The following AKAP13 variants were observed in gnomAD, a reference collection of about 807,000 sequenced individuals.
AKAP13 encodes A-kinase anchor protein 13.
AKAP13 carries 80 observed loss-of-function variants against 264.5 expected under a neutral mutation model. The ratio of observed to expected loss-of-function variants is 0.30; its 90% confidence interval spans 0.25 to 0.36. The LOEUF (loss-of-function observed/expected upper bound fraction) is 0.36. AKAP13 is among the 10% of genes least tolerant of loss of function. The pLI, the probability that AKAP13 is intolerant of heterozygous loss-of-function variation, is 1.00. For synonymous variants in AKAP13, 1,380 were observed against 1,250.2 expected (o/e 1.10, Z -2.19); for missense variants, 3,712 against 3,435.2 (o/e 1.08, Z -2.01).
At position 85,382,690 on chromosome 15, in the gene AKAP13, A is replaced by G. The variant is rs149178861; in HGVS notation, c.-12+1892A>G. ...TTTGCCTTGACTAAATGGTAACTGCACACATACTATACTATAAATGGACTC... is the reference window on the plus strand; with the variant it reads ...TTTGCCTTGACTAAATGGTAACTGCGCACATACTATACTATAAATGGACTC... On this transcript the variant is annotated intron_variant, in intron 1 of 36. Transcript: ENST00000394518. Among the ~76,000 whole-genome samples the G allele has an allele frequency of 5.4e-3, 815 of 152,320 alleles. 28 individuals are homozygous for G. Among genetic ancestry groups the G allele is most frequent in the Admixed American group, 0.048 (741 of 15,302 alleles).
chr15:85,382,554 C>T (rs1280317604), intron 1 of AKAP13, among the ~76,000 whole-genome samples: 1 of 152,200 alleles, frequency 6.6e-6, no homozygotes, highest in African/African-American at 2.4e-5. Context: ...ATAATGTAAG[C>T]AAGTACTACT....
intron 8 of AKAP13, among the ~76,000 whole-genome samples, chr15:85,635,574 A>AT (rs770902673): frequency 2.0e-4 from 31 of 152,144 alleles, no homozygotes; most frequent in Non-Finnish European, 3.4e-4. Flanking sequence ...GTTGACATAG[A>AT]TTTATCCTTT....
At chr15:85,468,493 G>A (rs1488200512) in intron 1 of AKAP13, among the ~76,000 whole-genome samples, 3 of 152,104 alleles carry the variant, frequency 2.0e-5, no homozygotes, top group African/African-American at 7.2e-5. Flanking sequence ...GGAAGAATAG[G>A]CATATTAGCA....
chr15:85,551,394 G>A (rs1329972827), intron 5 of AKAP13, among the ~76,000 whole-genome samples: 2 of 152,168 alleles, frequency 1.3e-5, no homozygotes, highest in African/African-American at 4.8e-5. Context: ...GCCCTTTGAA[G>A]GTGGGCGTTT....
intron 26 of AKAP13, 35 bp from the exon 27 acceptor site, chr15:85,726,375 G>A (rs750321551): frequency 4.4e-6 from 7 of 1,577,358 alleles, no homozygotes; most frequent in African/African-American, 2.7e-5. Flanking sequence ...AGTAGTCATC[G>A]TTTTATCTTC....
chr15:85,615,433 A>T (rs888746821), intron 8 of AKAP13, among the ~76,000 whole-genome samples: 26 of 90,478 alleles, frequency 2.9e-4, no homozygotes, highest in African/African-American at 4.1e-4. Flanking sequence ...ATTGGAGACG[A>T]TCCTTTGCAG....
chr15:85,520,267 G>A (rs68045709), intron 2 of AKAP13, among the ~76,000 whole-genome samples: 18,453 of 151,882 alleles, frequency 0.12, 1,562 homozygotes, highest in South Asian at 0.34. Flanking sequence ...AGGCTGAGAC[G>A]GGTGGATCAT....
intron 10 of AKAP13, among the ~76,000 whole-genome samples, chr15:85,646,669 C>T (rs1377584006): frequency 6.6e-6 from 1 of 152,104 alleles, no homozygotes; most frequent in African/African-American, 2.4e-5. Context: ...TGTGTTTAGG[C>T]CTGAAGCTTC....
At position 85,645,798 on chromosome 15, in the gene AKAP13, GA is replaced by G. The variant is rs756914065; in HGVS notation, c.4238-18del. ...TTGTTTTTTTTTTTTCAATATTGGTGAATAAATTCTCTTTTTCAGAATGTGA... is the reference window on the plus strand; with the variant it reads ...TTGTTTTTTTTTTTTCAATATTGGTGATAAATTCTCTTTTTCAGAATGTGA... On this transcript the variant is annotated intron_variant, in intron 9 of 36. Coordinates refer to ENST00000394518, the MANE Select transcript of AKAP13 (RefSeq NM_007200.5). 4 of 1,472,742 alleles carry G rather than the reference GA, an allele frequency of 2.7e-6. No individual in the cohort carries two copies. Among genetic ancestry groups the G allele is most frequent in the Non-Finnish European group, 3.7e-6 (4 of 1,087,614 alleles). 91.2% of individuals were successfully genotyped at this position (1,472,742 alleles called of 1,614,324 possible). A position where few individuals can be genotyped will look rare whatever the true frequency, so the allele number is the denominator to read the frequency against.
In AKAP13 at chr15:85,730,703, T is replaced by A; in HGVS notation, c.7278T>A (p.Asn2426Lys). 1 of 1,612,358 alleles carries A rather than the reference T, an allele frequency of 6.2e-7. No individual in the cohort carries two copies. Among genetic ancestry groups the A allele is most frequent in the Non-Finnish European group, 8.5e-7 (1 of 1,178,704 alleles). The change falls in exon 30 of 37, where the codon AAT becomes AAA. Residue 2426 changes from asparagine (N) to lysine (K), a missense_variant. Asn to Lys is a moderately conservative substitution (Grantham distance 94, BLOSUM62 0). Coordinates refer to ENST00000394518, the MANE Select transcript of AKAP13 (RefSeq NM_007200.5). ...KGGPLMKSAI[N>K]EVEILQGLVS... ...GACCTTTAATGAAAAGTGCAATAAATGAGGGTAATTAACATTCAGCATTGC... is the reference window on the plus strand; with the variant it reads ...GACCTTTAATGAAAAGTGCAATAAAAGAGGGTAATTAACATTCAGCATTGC...
chr15:85,423,857 A>C (rs1261844064), intron 1 of AKAP13, among the ~76,000 whole-genome samples: 1 of 152,228 alleles, frequency 6.6e-6, no homozygotes, highest in African/African-American at 2.4e-5. Flanking sequence ...GAAGAAAGCA[A>C]GTGTGTTAGC....
At chr15:85,439,895 C>A (rs2073550329) in intron 1 of AKAP13, among the ~76,000 whole-genome samples, 1 of 150,138 alleles carries the variant, frequency 6.7e-6, no homozygotes, top group African/African-American at 2.5e-5. Flanking sequence ...GGGTGCAGCG[C>A]ACGAGCATGG....
Position 85,669,735 on chromosome 15 carries a change from C to T in AKAP13, c.5006C>T (p.Ser1669Phe), listed in dbSNP as rs1320889815. 6.2e-7 allele frequency: 1 copy of T among 1,611,140 alleles called. No homozygotes were observed. The highest frequency in any genetic ancestry group is 8.5e-7 in the Non-Finnish European group (1 of 1,177,530). ...TTTACTTCACAGATATGTCACAGAT[C>T]TAAGCAGCAGGGATTTAATTACTGT... ...RMFDQQICHR[S>F]KQQGFNYCTS... The change falls in exon 14 of 37, where the codon TCT (serine) becomes TTT (phenylalanine). Residue 1669 changes from serine to phenylalanine, a missense_variant. Around this residue, in one of 3 missense-constraint regions of AKAP13, gnomAD observed 2,759 missense variants for 2,411.7 expected, o/e 1.14. Coordinates refer to ENST00000394518, the MANE Select transcript of AKAP13 (RefSeq NM_007200.5).
chr15:85,731,306 A>G (rs763925220), intron 30 of AKAP13, among the ~76,000 whole-genome samples: 2 of 152,138 alleles, frequency 1.3e-5, no homozygotes, highest in Admixed American at 6.6e-5. Context: ...GCACCCGGCC[A>G]TTAATCACTT....
In AKAP13 at chr15:85,581,344, A is replaced by G. The variant is rs2079139737; in HGVS notation, c.3276A>G (p.Thr1092=). The change falls in exon 7 of 37, where the codon ACA becomes ACG. Residue 1092 remains threonine, a synonymous_variant. Transcript: ENST00000394518. ...EVSGDVTVDV[T]GVNALQGMAE... ...GTGGAGATGTGACGGTGGATGTTAC[A>G]GGGGTTAATGCTCTACAAGGTATGG... 9 of 1,614,240 alleles carry G rather than the reference A, an allele frequency of 5.6e-6. No homozygotes were observed. The highest frequency in any genetic ancestry group is 1.1e-5 in the South Asian group (1 of 91,090).
At chr15:85,594,497 G>C (rs539525126) in intron 8 of AKAP13, among the ~76,000 whole-genome samples, 12 of 152,256 alleles carry the variant, frequency 7.9e-5, no homozygotes, top group African/African-American at 2.9e-4. Flanking sequence ...TTACACTGTG[G>C]GAATGAAGAT....
rs2073601601 is a variant in AKAP13 at position 85,440,681 on chromosome 15, GC to G, written c.-11-45028del. 2.6e-5 allele frequency among the ~76,000 whole-genome samples: 4 copies of G among 152,314 alleles called. No homozygotes were observed. In the South Asian group the frequency reaches 8.3e-4, roughly 32 times the overall value. ...GTGACAAAGTTGTCAACAGGGCGTTGCATCAAGTTCTCTTACACACTTTCCT... is the reference window on the plus strand; with the variant it reads ...GTGACAAAGTTGTCAACAGGGCGTTGATCAAGTTCTCTTACACACTTTCCT... On this transcript the variant is annotated intron_variant, in intron 1 of 36. Transcript: ENST00000394518.
In AKAP13 at chr15:85,708,952, C is replaced by G. The variant is rs1021589159; in HGVS notation, c.5532+866C>G. On this transcript the variant is annotated intron_variant, in intron 18 of 36. Coordinates refer to ENST00000394518, the MANE Select transcript of AKAP13 (RefSeq NM_007200.5). This position sits in a 1 kb window ranked among gnomAD's most constrained non-coding sequence, Gnocchi z 4.3. ...GGGGAGAGTCCAGGAATTTGCATTT[C>G]TAGTAAGTTCCCAGATGATGCTGAT... 6.6e-6 allele frequency among the ~76,000 whole-genome samples: 1 copy of G among 152,160 alleles called. No individual in the cohort carries two copies. The highest frequency in any genetic ancestry group is 6.5e-5 in the Admixed American group (1 of 15,286).
chr15:85,459,728 T>C (rs1317172797), intron 1 of AKAP13, among the ~76,000 whole-genome samples: 1 of 152,096 alleles, frequency 6.6e-6, no homozygotes, highest in Non-Finnish European at 1.5e-5. Flanking sequence ...CTCAATCTCC[T>C]GACCTTGTGA....
Sources: gnomAD v4.1 joint callset for allele counts (sites outside exome capture counted in the v4.1 genomes callset) on GRCh38, gnomAD v4.1.1 for gene constraint, gnomAD v4.1.1 regional missense constraint, Gnocchi (gnomAD v3.1) non-coding constraint, MANE v1.5 for transcripts, NCBI Gene and HGNC (gene_info 2026-07-23, HGNC 2026-07-21) for gene names.